Variants in TGM3 observed in about 807,000 individuals in gnomAD.
TGM3 encodes the protein transglutaminase 3, also known as protein-glutamine gamma-glutamyltransferase E.
In TGM3, 52 loss-of-function variants were observed where a neutral mutation model predicts 73.8. The ratio of observed to expected loss-of-function variants is 0.70; its 90% CI spans 0.56 to 0.89. The LOEUF is 0.89. TGM3 is among the 40% of genes least tolerant of loss of function. The pLI is 0.00. For synonymous variants in TGM3, 372 were observed against 354.9 expected (o/e 1.05, Z -0.54); for missense variants, 928 against 909.9 (o/e 1.02, Z -0.26).
chr20:2,335,396 G>A (rs2122254295), intron 11 of TGM3, 123 bp downstream of exon 11: 1 of 1,262,266 alleles, frequency 7.9e-7, no homozygotes, highest in Admixed American at 2.4e-5. Flanking sequence ...TTTCTTGCTG[G>A]GAGGGGCAGA....
chr20:2,328,121 G>A lies in TGM3; in HGVS notation c.1089G>A (p.Gly363=). Reference sequence around the variant, plus strand: ...CAGCCTCTGCATCTTGGCCTCCAGGGGTGTTCCAGTGCGGCCCCGCTTCGG... The same window carrying A: ...CAGCCTCTGCATCTTGGCCTCCAGGAGTGTTCCAGTGCGGCCCCGCTTCGG... ...LDATPQERSQ[G]VFQCGPASVI... is the part of the protein sequence containing the mutation. The change falls in exon 9 of 13, where the codon GGG becomes GGA. Residue 363 remains glycine, a splice_region_variant and synonymous_variant. Coordinates refer to ENST00000381458, the MANE Select transcript of TGM3 (RefSeq NM_003245.4). The surrounding 1 kb of genome is among the most constrained non-coding windows in gnomAD (Gnocchi z 5.2). The A allele has an allele frequency of 6.2e-7, 1 of 1,614,130 alleles. No individual in the cohort carries two copies. The highest frequency in any genetic ancestry group is 8.5e-7 in the Non-Finnish European group (1 of 1,180,034).
rs902985964 is a variant in TGM3, at chr20:2,340,931, G to A, written c.*350G>A. The A allele has an allele frequency of 6.2e-6, 3 of 482,364 alleles. No individual in the cohort carries two copies. The Admixed American group carries it at 6.9e-5, about 11-fold the overall frequency. The allele number at this position is 482,364 out of a possible 1,614,324, so 29.9% of individuals were successfully genotyped here. A position where few individuals can be genotyped will look rare whatever the true frequency, so the allele number is the denominator to read the frequency against. On this transcript the variant is annotated 3_prime_UTR_variant, in exon 13 of 13. Transcript: ENST00000381458. ...TCTCCAAACGGGATACAGGAGAGAA[G>A]CTGGTCTAGACTGTTTGCTGATCCC... is the stretch of plus-strand genomic sequence containing the variant.
chr20:2,302,762 G>A, intron 1 of TGM3, among the ~76,000 whole-genome samples: 1 of 130,238 alleles, frequency 7.7e-6, no homozygotes, highest in East Asian at 2.5e-4. Flanking sequence ...ATATTACCAT[G>A]TGCACATTCA....
chr20:2,297,861 G>A (rs370386140), intron 1 of TGM3, among the ~76,000 whole-genome samples: 6 of 152,146 alleles, frequency 3.9e-5, no homozygotes, highest in African/African-American at 9.7e-5. Context: ...TTCTGTCCTC[G>A]GTAGCTTTTA....
At chr20:2,316,571 T>A (rs1490072559) in intron 5 of TGM3, among the ~76,000 whole-genome samples, 6 of 149,052 alleles carry the variant, frequency 4.0e-5, no homozygotes, top group African/African-American at 1.5e-4. Context: ...CAGAAAATAA[T>A]AATAATAATA....
At position 2,335,268 on chromosome 20, in the gene TGM3, C is replaced by T; in HGVS notation, c.1795C>T (p.Leu599=). 1 of 1,614,040 alleles carries T rather than the reference C, an allele frequency of 6.2e-7. No homozygotes were observed. Among genetic ancestry groups the T allele is most frequent in the South Asian group, 1.1e-5 (1 of 91,082 alleles). ...DIILDNPTLT[L]EVLNEARVRK... ...CATCCTGGACAACCCCACCTTGACC[C>T]TGGAGGTAATGGGGCTCCCCATCCT... The change falls in exon 11 of 13, where the codon CTG becomes TTG. Residue 599 remains leucine, a synonymous_variant. Transcript: ENST00000381458.
At position 2,322,115 on chromosome 20, in the gene TGM3, A is replaced by G. The variant is rs376583644; in HGVS notation, c.984-3734A>G. ...CCTTGCCTTCTCCTTGGTGAGTTCT[A>G]ACCGATCATGAAGGCCTGTTCAAAA... On this transcript the variant is annotated intron_variant, in intron 7 of 12. Transcript: ENST00000381458. 2.3e-3 allele frequency among the ~76,000 whole-genome samples: 354 copies of G among 152,048 alleles called. 3 individuals are homozygous for G. The South Asian group carries it at 0.032, about 14-fold the overall frequency.
intron 1 of TGM3, among the ~76,000 whole-genome samples, chr20:2,296,318 C>T (rs1277075474): frequency 6.6e-6 from 1 of 152,168 alleles, no homozygotes; most frequent in Non-Finnish European, 1.5e-5. Context: ...GTGTTCAGTG[C>T]AGCTGGACAT....
chr20:2,298,993 G>A (rs188545666), intron 1 of TGM3, among the ~76,000 whole-genome samples: 117 of 152,122 alleles, frequency 7.7e-4, no homozygotes, highest in Middle Eastern at 6.8e-3. Flanking sequence ...TCATTCCACC[G>A]GGAATGACAG....
rs928483342 is a variant in TGM3, at chr20:2,334,182, A to G, written c.1643-934A>G. On this transcript the variant is annotated intron_variant, in intron 10 of 12. Transcript: ENST00000381458. The surrounding 1 kb of genome is among the most constrained non-coding windows in gnomAD (Gnocchi z 4.0). Reference sequence around the variant, plus strand: ...TGCATGGAGAGAAGCCAGGGGAGGCATTTCCATCTGGGGGAACCATGTGAG... The same window carrying G: ...TGCATGGAGAGAAGCCAGGGGAGGCGTTTCCATCTGGGGGAACCATGTGAG... Among the ~76,000 whole-genome samples the G allele has an allele frequency of 6.6e-6, 1 of 152,136 alleles. No individual in the cohort carries two copies. The highest frequency in any genetic ancestry group is 1.5e-5 in the Non-Finnish European group (1 of 68,016).
At chr20:2,320,847 C>A (rs553138855) in intron 7 of TGM3, among the ~76,000 whole-genome samples, 1 of 152,322 alleles carries the variant, frequency 6.6e-6, no homozygotes, top group South Asian at 2.1e-4. Flanking sequence ...CTTGACTTTT[C>A]TGGCTTGTTT....
intron 2 of TGM3, 108 bp downstream of exon 2, chr20:2,309,938 C>G: frequency 2.7e-6 from 4 of 1,485,594 alleles, no homozygotes; most frequent in Non-Finnish European, 3.7e-6. Flanking sequence ...TGGGTTCTAG[C>G]CTTGCTCTGT....
At chr20:2,303,863 C>T (rs530032652) in intron 1 of TGM3, among the ~76,000 whole-genome samples, 10 of 152,252 alleles carry the variant, frequency 6.6e-5, no homozygotes, top group Admixed American at 2.6e-4. Flanking sequence ...GGAGGTGGCA[C>T]GGAATCAGAG....
chr20:2,326,480 C>T (rs2084288688), intron 8 of TGM3, among the ~76,000 whole-genome samples: 1 of 152,222 alleles, frequency 6.6e-6, no homozygotes, highest in Admixed American at 6.5e-5. Context: ...GGAGCCTTTC[C>T]TCTTCCCTTC....
At position 2,340,442 on chromosome 20, in the gene TGM3, C is replaced by T. The variant is rs1231976490; in HGVS notation, c.1943C>T (p.Thr648Ile). The change falls in exon 13 of 13, where the codon ACC becomes ATC. Residue 648 changes from threonine to isoleucine, a missense_variant. Thr to Ile is a moderately conservative substitution (Grantham distance 89, BLOSUM62 -1). Transcript: ENST00000381458. ...TGTGCCCTCCCCATCAGCGTGCCGA[C>T]CCTAGGGCCCAAGGAGGGGTCCCGG... ...LLGNLKIDVP[T>I]LGPKEGSRVR... 6.2e-7 allele frequency: 1 copy of T among 1,614,030 alleles called. No homozygotes were observed. Among genetic ancestry groups the T allele is most frequent in the South Asian group, 1.1e-5 (1 of 91,084 alleles).
chr20:2,300,571 T>C (rs1163041473), intron 1 of TGM3, among the ~76,000 whole-genome samples: 3 of 152,208 alleles, frequency 2.0e-5, no homozygotes, highest in East Asian at 1.9e-4. Context: ...TGGGGTCATA[T>C]CTGGTCAGGC....
chr20:2,323,714 CACA>C (rs1161566564), intron 7 of TGM3, among the ~76,000 whole-genome samples: 2 of 152,186 alleles, frequency 1.3e-5, no homozygotes, highest in African/African-American at 4.8e-5. Flanking sequence ...AAATGAGCAC[CACA>C]ACGAGTATCA....
chr20:2,317,346 G>A lies in TGM3; in HGVS notation c.848-4G>A. The stretch of plus-strand genomic sequence containing the variant: ...TGAGTCCTCACGCCCACCCTGACTT[G>A]CAGCGCTGCGGTCTTTGGGGATTCC... On this transcript the variant is annotated splice_polypyrimidine_tract_variant and splice_region_variant and intron_variant, in intron 6 of 12. Transcript: ENST00000381458. 6.2e-7 allele frequency: 1 copy of A among 1,614,162 alleles called. No individual in the cohort carries two copies. Among genetic ancestry groups the A allele is most frequent in the South Asian group, 1.1e-5 (1 of 91,080 alleles).
Position 2,296,039 on chromosome 20 carries a change from G to A in TGM3, c.-25G>A, listed in dbSNP as rs1282045243. The A allele has an allele frequency of 6.4e-7, 1 of 1,551,534 alleles. No homozygotes were observed. Among genetic ancestry groups the A allele is most frequent in the Non-Finnish European group, 8.7e-7 (1 of 1,146,940 alleles). On this transcript the variant is annotated 5_prime_UTR_variant, in exon 1 of 13. Coordinates refer to ENST00000381458, the MANE Select transcript of TGM3 (RefSeq NM_003245.4). The stretch of plus-strand genomic sequence containing the variant: ...GTCCGTGCCATTCCCAGAGGAGCCT[G>A]AGAAGAGGCAGAGGAAGGCGAAACA...
Sources: allele counts gnomAD v4.1 joint callset (sites outside exome capture counted in the v4.1 genomes callset), GRCh38; gene constraint gnomAD v4.1.1; non-coding constraint Gnocchi (gnomAD v3.1); transcripts MANE v1.5; gene names NCBI Gene and HGNC (gene_info 2026-07-23, HGNC 2026-07-21).